The following STPG2 variants were observed in gnomAD, a reference collection of about 807,000 sequenced individuals.
The protein encoded by STPG2 is sperm tail PG-rich repeat containing 2.
In STPG2, 56 loss-of-function variants were observed where a neutral mutation model predicts 54.2. The observed-to-expected ratio is 1.03, with a 90% confidence interval of 0.83 to 1.29. The LOEUF (loss-of-function observed/expected upper bound fraction) is 1.29, where lower values mean the gene tolerates loss of function less well. STPG2 is among the 50% of genes most tolerant of loss of function. The pLI, the probability that STPG2 is intolerant of heterozygous loss-of-function variation, is 0.00. For synonymous variants in STPG2, 200 were observed against 181.8 expected (o/e 1.10, Z -0.81); for missense variants, 596 against 544.9 (o/e 1.09, Z -0.93).
intron 9 of STPG2, among the ~76,000 whole-genome samples, chr4:97,723,330 G>C (rs376496356): frequency 1.3e-5 from 2 of 151,920 alleles, no homozygotes; most frequent in Non-Finnish European, 2.9e-5. Flanking sequence ...ACTCCAAAAG[G>C]GGGGAGGGAG....
chr4:97,823,114 A>G (rs1424707105), intron 9 of STPG2, among the ~76,000 whole-genome samples: 1 of 152,270 alleles, frequency 6.6e-6, no homozygotes, highest in Non-Finnish European at 1.5e-5. Context: ...GCAACAAGTT[A>G]TTCAGAAGAT....
chr4:97,742,519 CTGTGTGTGTGTGTGTGTGTGTG>C (rs150619013), intron 9 of STPG2, among the ~76,000 whole-genome samples: 1 of 125,104 alleles, frequency 8.0e-6, no homozygotes, highest in African/African-American at 3.0e-5. Flanking sequence ...AATGAATAAA[CTGTGTGTGTGTGTGTGTGTGTG>C]TGTGTGTGTG....
chr4:97,862,945 C>G lies in STPG2; in HGVS notation c.1045-22013G>C, dbSNP rs181344450. On this transcript the variant is annotated intron_variant, in intron 8 of 10. Transcript: ENST00000295268. ...CAGAATCTCTGGGACACATTCAAAG[C>G]AGTGTGTAGAGGGAAATTTATAGCA... Among the ~76,000 whole-genome samples the G allele has an allele frequency of 5.6e-3, 851 of 152,244 alleles. 5 individuals are homozygous for G. The highest frequency in any genetic ancestry group is 8.7e-3 in the Non-Finnish European group (590 of 68,024).
intron 10 of STPG2, among the ~76,000 whole-genome samples, chr4:97,593,540 G>A (rs1251717120): frequency 6.6e-6 from 1 of 152,116 alleles, no homozygotes; most frequent in Admixed American, 6.5e-5. Context: ...CACTGCATGG[G>A]TGAGCATGGA....
intron 9 of STPG2, among the ~76,000 whole-genome samples, chr4:97,789,985 A>G (rs1726942745): frequency 6.6e-6 from 1 of 152,226 alleles, no homozygotes; most frequent in Admixed American, 6.5e-5. Context: ...AAATGATGGC[A>G]CCTAATCCAT....
Position 97,906,404 on chromosome 4 carries a change from C to T in STPG2, c.1044+37493G>A, listed in dbSNP as rs554736972. The stretch of plus-strand genomic sequence containing the variant: ...TTACCAACCAAAAAGAGTCCAGGAC[C>T]AGATGGATTCACAGCCGAATTCTAC... On this transcript the variant is annotated intron_variant, in intron 8 of 10. Transcript: ENST00000295268. 1.0e-3 allele frequency among the ~76,000 whole-genome samples: 158 copies of T among 152,212 alleles called. 1 individual carries two copies. The highest frequency in any genetic ancestry group is 3.7e-3 in the African/African-American group (153 of 41,542).
At chr4:97,680,953 C>G (rs34218077) in intron 10 of STPG2, among the ~76,000 whole-genome samples, 89,412 of 151,736 alleles carry the variant, frequency 0.59, 26,655 homozygotes, top group South Asian at 0.68. Flanking sequence ...AATGAATTTA[C>G]CATATAAAGT....
intron 10 of STPG2, among the ~76,000 whole-genome samples, chr4:97,652,295 A>G (rs1722093801): frequency 6.6e-6 from 1 of 151,938 alleles, no homozygotes; most frequent in Non-Finnish European, 1.5e-5. Flanking sequence ...CTATTTTACA[A>G]CTTTAAGGGA....
intron 4 of STPG2, among the ~76,000 whole-genome samples, chr4:97,474,328 T>C (rs1730019056): frequency 6.6e-6 from 1 of 151,968 alleles, no homozygotes; most frequent in Non-Finnish European, 1.5e-5. Context: ...CATTTCATTG[T>C]TAAAAGCAAT....
chr4:98,116,252 CA>C (rs11373933), intron 3 of STPG2, among the ~76,000 whole-genome samples: 38 of 147,014 alleles, frequency 2.6e-4, no homozygotes, highest in South Asian at 8.6e-4. Flanking sequence ...TATTCTGAAA[CA>C]AAAAAAAAAT....
intron 4 of STPG2, among the ~76,000 whole-genome samples, chr4:97,521,088 A>G (rs1731171185): frequency 6.6e-6 from 1 of 152,044 alleles, no homozygotes; most frequent in African/African-American, 2.4e-5. Flanking sequence ...AAAATACTCC[A>G]CTGTTTGTTA....
chr4:98,141,579 T>A (rs187482866), intron 1 of STPG2, among the ~76,000 whole-genome samples: 23 of 152,180 alleles, frequency 1.5e-4, no homozygotes, highest in Admixed American at 3.3e-4. Flanking sequence ...AAGCCCCCAC[T>A]TTGAGTTGTC....
At chr4:97,925,464 T>C (rs1732299722) in intron 8 of STPG2, among the ~76,000 whole-genome samples, 1 of 152,228 alleles carries the variant, frequency 6.6e-6, no homozygotes, top group South Asian at 2.1e-4. Flanking sequence ...CACTCTTCAG[T>C]GTGTCAGAAA....
At chr4:97,917,644 G>A (rs1021095034) in intron 8 of STPG2, among the ~76,000 whole-genome samples, 1 of 151,954 alleles carries the variant, frequency 6.6e-6, no homozygotes, top group Non-Finnish European at 1.5e-5. Flanking sequence ...ATATATTCAG[G>A]TAAAAATATA....
At chr4:97,802,793 C>T (rs918816738) in intron 9 of STPG2, among the ~76,000 whole-genome samples, 4 of 152,046 alleles carry the variant, frequency 2.6e-5, no homozygotes, top group Admixed American at 1.3e-4. Flanking sequence ...TATTAAACCA[C>T]GTATACATAT....
chr4:97,847,071 A>C (rs2149126977), intron 8 of STPG2, among the ~76,000 whole-genome samples: 1 of 152,318 alleles, frequency 6.6e-6, no homozygotes, highest in Admixed American at 6.5e-5. Flanking sequence ...ACTTTCAAGC[A>C]AAATCTTTAA....
chr4:97,981,396 G>T, intron 5 of STPG2, 78 bp from the exon 6 acceptor site: 1 of 1,412,632 alleles, frequency 7.1e-7, no homozygotes. Context: ...CCTGCCTTTT[G>T]AGTAATATAA....
intron 9 of STPG2, among the ~76,000 whole-genome samples, chr4:97,832,238 C>A (rs1304395615): frequency 1.3e-5 from 2 of 152,128 alleles, no homozygotes; most frequent in East Asian, 1.9e-4. Context: ...TAAATGTAAT[C>A]CATCACATAA....
intron 10 of STPG2, among the ~76,000 whole-genome samples, chr4:97,600,944 G>A (rs145701619): frequency 6.6e-6 from 1 of 152,098 alleles, no homozygotes; most frequent in East Asian, 1.9e-4. Context: ...AGGTTATTTT[G>A]GAGGTTATTG....
Sources: gnomAD v4.1 joint callset for allele counts (sites outside exome capture counted in the v4.1 genomes callset) on GRCh38, gnomAD v4.1.1 for gene constraint, MANE v1.5 for transcripts, NCBI Gene and HGNC (gene_info 2026-07-23, HGNC 2026-07-21) for gene names.